The following PRDM6 variants were observed in gnomAD, a reference collection of about 807,000 sequenced individuals.
The protein encoded by PRDM6 is putative histone-lysine N-methyltransferase PRDM6.
Under a neutral mutation model 60.8 loss-of-function variants are expected in PRDM6, and 25 were observed. The ratio of observed to expected loss-of-function variants is 0.41; its 90% confidence interval spans 0.30 to 0.57. The LOEUF (loss-of-function observed/expected upper bound fraction) is 0.57, where lower values mean the gene tolerates loss of function less well. Ranked by LOEUF, PRDM6 falls within the 20% of genes least tolerant of loss-of-function variation. The pLI is 0.27. For missense variants in PRDM6, 839 were observed against 821.3 expected (o/e 1.02, Z -0.26); for synonymous variants, 407 against 357.4 (o/e 1.14, Z -1.57).
At chr5:123,101,171 G>C (rs1764094635) in intron 3 of PRDM6, among the ~76,000 whole-genome samples, 1 of 152,272 alleles carries the variant, frequency 6.6e-6, no homozygotes, top group Middle Eastern at 3.4e-3. Flanking sequence ...TTTTTGATGA[G>C]TGCCCACTCT....
At chr5:123,160,962 T>A (rs2126876459) in intron 5 of PRDM6, among the ~76,000 whole-genome samples, 1 of 152,268 alleles carries the variant, frequency 6.6e-6, no homozygotes, top group South Asian at 2.1e-4. Flanking sequence ...ACAGAATGAC[T>A]CCATGCCCCA....
chr5:123,129,482 C>G (rs188304421), intron 3 of PRDM6, among the ~76,000 whole-genome samples: 20 of 152,192 alleles, frequency 1.3e-4, no homozygotes, highest in Non-Finnish European at 2.5e-4. Context: ...TGAGGGATTT[C>G]TTATAGAGCA....
rs3037346 is a variant in PRDM6 at position 123,094,432 on chromosome 5, T to TTCTCTC, written c.592+3847_592+3852dup. On this transcript the variant is annotated intron_variant, in intron 2 of 7. Transcript: ENST00000407847. ...GGCTTCAGTGCGTGGGCTTTTGTGT[T>TTCTCTC]TCTCTCTCTCTCTCTCTCTCTCTCT... is the stretch of plus-strand genomic sequence containing the variant. Among the ~76,000 whole-genome samples the TTCTCTC allele has an allele frequency of 1.5e-3, 227 of 148,046 alleles. 2 individuals are homozygous for TTCTCTC. Among genetic ancestry groups the TTCTCTC allele is most frequent in the East Asian group, 0.011 (54 of 5,002 alleles).
chr5:123,118,965 A>G (rs1395093459), intron 3 of PRDM6, among the ~76,000 whole-genome samples: 1 of 152,154 alleles, frequency 6.6e-6, no homozygotes, highest in South Asian at 2.1e-4. Context: ...CTTGGCTCTT[A>G]TGCATCCTTC....
At chr5:123,101,183 G>A (rs1431279228) in intron 3 of PRDM6, among the ~76,000 whole-genome samples, 1 of 152,092 alleles carries the variant, frequency 6.6e-6, no homozygotes, top group Non-Finnish European at 1.5e-5. Flanking sequence ...GCCCACTCTG[G>A]CCAGCACTAT....
chr5:123,121,259 A>T (rs1764574553), intron 3 of PRDM6, among the ~76,000 whole-genome samples: 1 of 152,180 alleles, frequency 6.6e-6, no homozygotes, highest in South Asian at 2.1e-4. Flanking sequence ...AGAGAAATAA[A>T]TAGTGAATAA....
intron 3 of PRDM6, among the ~76,000 whole-genome samples, chr5:123,142,776 T>G (rs867003225): frequency 6.6e-6 from 1 of 151,574 alleles, no homozygotes; most frequent in South Asian, 2.1e-4. Context: ...TATTTCAGTT[T>G]GCTTTTCTAG....
chr5:123,183,982 G>A (rs1561889005), intron 7 of PRDM6, among the ~76,000 whole-genome samples: 2 of 151,992 alleles, frequency 1.3e-5, no homozygotes, highest in Admixed American at 6.5e-5. Context: ...ATCATTCATC[G>A]CTATGTTCTT....
rs1766361731 is a variant in PRDM6 at position 123,189,447 on chromosome 5, AT to A, written c.*2247del. 1 of 152,146 alleles carries A rather than the reference AT, an allele frequency of 6.6e-6. No homozygotes were observed. 9.4% of individuals were successfully genotyped at this position (152,146 alleles called of 1,614,324 possible). A position where few individuals can be genotyped will look rare whatever the true frequency, so the allele number is the denominator to read the frequency against. On this transcript the variant is annotated 3_prime_UTR_variant, in exon 8 of 8. Transcript: ENST00000407847. Reference sequence around the variant, plus strand: ...CTCATGAGCTTCAGAACGTGGGAGAATGAGAAGGCTTCCCTCCTCCCTTGAT... The same window carrying A: ...CTCATGAGCTTCAGAACGTGGGAGAAGAGAAGGCTTCCCTCCTCCCTTGAT...
chr5:123,098,005 A>G (rs1763996462), intron 2 of PRDM6, among the ~76,000 whole-genome samples: 2 of 152,238 alleles, frequency 1.3e-5, no homozygotes, highest in Non-Finnish European at 2.9e-5. Flanking sequence ...CAGGAGGCTT[A>G]CATAGTCAGC....
intron 7 of PRDM6, 78 bp downstream of exon 7, chr5:123,180,401 G>C: frequency 2.2e-6 from 3 of 1,392,114 alleles, no homozygotes; most frequent in Non-Finnish European, 2.9e-6. Flanking sequence ...GCACAGTGCT[G>C]CCTGGCTTAG....
chr5:123,167,325 A>T (rs1765773928), intron 5 of PRDM6, among the ~76,000 whole-genome samples: 1 of 151,692 alleles, frequency 6.6e-6, no homozygotes. Context: ...TCACCCACAC[A>T]TTCTTTTGTT....
chr5:123,119,124 A>G (rs1030862527), intron 3 of PRDM6, among the ~76,000 whole-genome samples: 1 of 152,176 alleles, frequency 6.6e-6, no homozygotes, highest in Admixed American at 6.5e-5. Context: ...CACTGGAGTG[A>G]CTGATGTGTA....
chr5:123,176,547 CA>C (rs1209434121), intron 6 of PRDM6, among the ~76,000 whole-genome samples: 1 of 151,890 alleles, frequency 6.6e-6, no homozygotes. Flanking sequence ...CCCATCTCTA[CA>C]AAAAATATAA....
At chr5:123,150,449 A>T (rs335150) in intron 3 of PRDM6, among the ~76,000 whole-genome samples, 109,336 of 152,040 alleles carry the variant, frequency 0.72, 39,453 homozygotes, top group Non-Finnish European at 0.75. Flanking sequence ...GCAATAAAAG[A>T]AATCTGGTTA....
chr5:123,161,593 C>T (rs1224087006), intron 5 of PRDM6, among the ~76,000 whole-genome samples: 2 of 152,146 alleles, frequency 1.3e-5, no homozygotes, highest in East Asian at 3.9e-4. Flanking sequence ...GGCAGCCAGA[C>T]AGTTATAAGT....
chr5:123,157,570 G>A lies in PRDM6; in HGVS notation c.1028+1559G>A, dbSNP rs78520033. Among the ~76,000 whole-genome samples the A allele has an allele frequency of 7.7e-3, 1,179 of 152,150 alleles. 19 individuals carry two copies. The highest frequency in any genetic ancestry group is 0.027 in the African/African-American group (1,134 of 41,506). Reference sequence around the variant, plus strand: ...GCTTACACTATGAGCTCTCTCTGCCGATCTGTTTTCGATTACTTCAGATCT... The same window carrying A: ...GCTTACACTATGAGCTCTCTCTGCCAATCTGTTTTCGATTACTTCAGATCT... On this transcript the variant is annotated intron_variant, in intron 4 of 7. Transcript: ENST00000407847.
chr5:123,175,805 A>G (rs1262201479), intron 6 of PRDM6, among the ~76,000 whole-genome samples: 1 of 152,216 alleles, frequency 6.6e-6, no homozygotes, highest in African/African-American at 2.4e-5. Context: ...ATTTTGTTAA[A>G]TGTTTCATCC....
intron 7 of PRDM6, among the ~76,000 whole-genome samples, chr5:123,183,987 G>A (rs1272333593): frequency 6.6e-6 from 1 of 152,120 alleles, no homozygotes; most frequent in Admixed American, 6.5e-5. Flanking sequence ...TCATCGCTAT[G>A]TTCTTTCATC....
Sources: allele counts gnomAD v4.1 joint callset (sites outside exome capture counted in the v4.1 genomes callset), GRCh38; gene constraint gnomAD v4.1.1; transcripts MANE v1.5; gene names NCBI Gene and HGNC (gene_info 2026-07-23, HGNC 2026-07-21).